The following ITSN2 variants were observed in gnomAD, a reference collection of about 807,000 sequenced individuals.
ITSN2 encodes intersectin 2, also known as intersectin-2.
A neutral mutation model predicts 243.7 loss-of-function variants in ITSN2; 156 were observed. The observed-to-expected ratio is 0.64, with a 90% CI of 0.56 to 0.73. The LOEUF (loss-of-function observed/expected upper bound fraction) is 0.73, where lower values mean the gene tolerates loss of function less well. ITSN2 is among the 30% of genes least tolerant of loss of function. The probability of loss-of-function intolerance (pLI) is 0.00; values close to 1 mark genes in which losing one functional copy is unlikely to be tolerated. For missense variants in ITSN2, 1,801 were observed against 1,996.1 expected (o/e 0.90, Z 1.86); for synonymous variants, 703 against 699.9 (o/e 1.00, Z -0.07).
intron 1 of ITSN2, among the ~76,000 whole-genome samples, chr2:24,332,167 A>G (rs953998778): frequency 1.3e-5 from 2 of 152,174 alleles, no homozygotes; most frequent in Non-Finnish European, 2.9e-5. Flanking sequence ...GCTTGAACCC[A>G]GGAGGTGGAG....
rs886418021 is a variant in ITSN2, at chr2:24,252,457, G to A, written c.3008C>T (p.Thr1003Ile). The A allele has an allele frequency of 1.2e-6, 2 of 1,612,476 alleles. No homozygotes were observed. Among genetic ancestry groups the A allele is most frequent in the African/African-American group, 1.3e-5 (1 of 74,878 alleles). The change falls in exon 25 of 40, where the codon ACA (threonine) becomes ATA (isoleucine). Residue 1003 changes from threonine to isoleucine, a missense_variant. Thr to Ile is a moderately conservative substitution (Grantham distance 89). Coordinates refer to ENST00000355123, the MANE Select transcript of ITSN2 (RefSeq NM_006277.3). ...SSVEPGDLTF[T>I]EGEEILVTQK... ...GGTCACCAATATTTCTTCACCTTCT[G>A]TGAAAGTCAAATCTCCAGGTTCCAC...
At position 24,298,638 on chromosome 2, in the gene ITSN2, T is replaced by C. The variant is rs146604425; in HGVS notation, c.1494+27A>G. ...ACAGGTAGCTCCATCATCATTCAGA[T>C]AAATTTCACTTAAACTTCAGCCATA... On this transcript the variant is annotated intron_variant, in intron 13 of 39. Coordinates refer to ENST00000355123, the MANE Select transcript of ITSN2 (RefSeq NM_006277.3). 3.4e-4 allele frequency: 544 copies of C among 1,587,776 alleles called. 1 individual carries two copies. The African/African-American group carries it at 6.8e-3, about 20-fold the overall frequency.
In ITSN2 at chr2:24,301,145, C is replaced by A. The variant is rs375398472; in HGVS notation, c.1081+9G>T. 1.1e-5 allele frequency: 16 copies of A among 1,512,758 alleles called. No individual in the cohort carries two copies. Among genetic ancestry groups the A allele is most frequent in the Non-Finnish European group, 1.5e-5 (16 of 1,093,556 alleles). The allele number at this position is 1,512,758 out of a possible 1,614,324, so 93.7% of individuals were successfully genotyped here. The stretch of plus-strand genomic sequence containing the variant: ...AGTATAAATATACAACTTTGACACT[C>A]AGTGATACCTGGTAATTTCTTCTGA... On this transcript the variant is annotated intron_variant, in intron 11 of 39. Coordinates refer to ENST00000355123, the MANE Select transcript of ITSN2 (RefSeq NM_006277.3).
chr2:24,341,229 C>T (rs779632013), intron 1 of ITSN2, among the ~76,000 whole-genome samples: 4 of 152,038 alleles, frequency 2.6e-5, no homozygotes, highest in Non-Finnish European at 5.9e-5. Flanking sequence ...TTGAGCACAC[C>T]TAATCTGATC....
chr2:24,309,345 A>C (rs560464005), intron 7 of ITSN2, among the ~76,000 whole-genome samples: 1 of 152,218 alleles, frequency 6.6e-6, no homozygotes, highest in East Asian at 1.9e-4. Flanking sequence ...GTCACATGCC[A>C]CCACGCCCGG....
chr2:24,251,325 T>TAAAAAAATAAAAAAA (rs1165033997), intron 25 of ITSN2, among the ~76,000 whole-genome samples: 374 of 3,370 alleles, frequency 0.11, 147 homozygotes, highest in African/African-American at 0.27. Flanking sequence ...AAAAAAAAAA[T>TAAAAAAATAAAAAAA]AAAATATATA....
intron 1 of ITSN2, among the ~76,000 whole-genome samples, chr2:24,339,934 C>A (rs560723598): frequency 4.2e-4 from 64 of 151,836 alleles, no homozygotes; most frequent in Middle Eastern, 3.4e-3. Context: ...AGTAGCTACT[C>A]AGGAGGTGAA....
Position 24,217,909 on chromosome 2 carries a change from C to T in ITSN2, c.3804G>A (p.Leu1268=), listed in dbSNP as rs759227257. ...KELIMSNTKL[L]KALRVRKKTG... ...GACAGGTGATGCTCAGGACTCACTT[C>T]AGCAGCTTTGTGTTGGACATGATGA... The change falls in exon 31 of 40, where the codon CTG becomes CTA. Residue 1268 remains leucine (L), a splice_region_variant and synonymous_variant. Transcript: ENST00000355123. 1 of 1,610,254 alleles carries T rather than the reference C, an allele frequency of 6.2e-7. No homozygotes were observed. The highest frequency in any genetic ancestry group is 1.1e-5 in the South Asian group (1 of 90,960).
intron 13 of ITSN2, 54 bp downstream of exon 13, chr2:24,298,611 C>T: frequency 2.6e-6 from 4 of 1,524,728 alleles, no homozygotes; most frequent in Non-Finnish European, 3.5e-6. Flanking sequence ...TTACATTTTT[C>T]AACAGGTAGC....
intron 22 of ITSN2, among the ~76,000 whole-genome samples, chr2:24,259,546 T>G (rs894721998): frequency 6.6e-6 from 1 of 152,214 alleles, no homozygotes; most frequent in African/African-American, 2.4e-5. Context: ...GCTTCCCAAA[T>G]AAACCTCAAC....
intron 23 of ITSN2, among the ~76,000 whole-genome samples, chr2:24,256,536 T>C (rs1373172312): frequency 6.6e-6 from 1 of 152,224 alleles, no homozygotes; most frequent in Non-Finnish European, 1.5e-5. Context: ...AGCTATATTA[T>C]AGTACTTATT....
At chr2:24,351,817 AG>A in intron 1 of ITSN2, among the ~76,000 whole-genome samples, 1 of 152,282 alleles carries the variant, frequency 6.6e-6, no homozygotes, top group Non-Finnish European at 1.5e-5. Flanking sequence ...CTTGTGTTCA[AG>A]TAACCCTTAT....
intron 1 of ITSN2, among the ~76,000 whole-genome samples, chr2:24,333,840 A>G (rs1686047484): frequency 6.6e-6 from 1 of 152,160 alleles, no homozygotes; most frequent in African/African-American, 2.4e-5. Context: ...AGACTCAGAA[A>G]AAGTCACAGC....
At chr2:24,337,315 A>AATATATATATATATAAAT (rs70944741) in intron 1 of ITSN2, among the ~76,000 whole-genome samples, 2 of 32,020 alleles carry the variant, frequency 6.2e-5, no homozygotes, top group Non-Finnish European at 1.1e-4. Flanking sequence ...GTATACACAA[A>AATATATATATATATAAAT]ATATATATAT....
In ITSN2 at chr2:24,209,315, C is replaced by G. The variant is rs547793432; in HGVS notation, c.4474-94G>C. The G allele has an allele frequency of 6.1e-6, 9 of 1,485,494 alleles. No individual in the cohort carries two copies. In the East Asian group the frequency reaches 1.8e-4, roughly 30 times the overall value. 92.0% of individuals were successfully genotyped at this position (1,485,494 alleles called of 1,614,324 possible). A position where few individuals can be genotyped will look rare whatever the true frequency, so the allele number is the denominator to read the frequency against. On this transcript the variant is annotated intron_variant, in intron 35 of 39. Coordinates refer to ENST00000355123, the MANE Select transcript of ITSN2 (RefSeq NM_006277.3). ...GAGAGTTCTGTTTGTTCTGAAGAGC[C>G]TTGTTGAGAAGGAGAAAGGGGTCTA...
At position 24,286,338 on chromosome 2, in the gene ITSN2, A is replaced by T. The variant is rs760460574; in HGVS notation, c.1737T>A (p.Ser579Arg). ...TTTCTAATGATTTTTTATGAAGTAA[A>T]CTGACCCCTGAATCTGAAAAACAAA... Reference protein sequence around the residue: ...QFSNTPDSGVSLLHKKSLEKE... With the variant: ...QFSNTPDSGVRLLHKKSLEKE... The change falls in exon 16 of 40, where the codon AGT (serine) becomes AGA (arginine). Residue 579 changes from serine to arginine, a missense_variant. Physicochemically the swap from Ser to Arg is moderately radical, Grantham distance 110. Transcript: ENST00000355123. 1 of 1,611,990 alleles carries T rather than the reference A, an allele frequency of 6.2e-7. No individual in the cohort carries two copies. The highest frequency in any genetic ancestry group is 1.1e-5 in the South Asian group (1 of 90,896).
At chr2:24,327,263 A>C (rs1209419745) in intron 2 of ITSN2, among the ~76,000 whole-genome samples, 2 of 151,986 alleles carry the variant, frequency 1.3e-5, no homozygotes, top group Admixed American at 6.6e-5. Flanking sequence ...AAAACTTTTC[A>C]TTATTCAAAT....
intron 30 of ITSN2, chr2:24,220,649 G>A: frequency 8.0e-7 from 1 of 1,246,390 alleles, no homozygotes; most frequent in Non-Finnish European, 1.0e-6. Context: ...CTTCCTTGAT[G>A]GGGCTCCTGC....
chr2:24,260,107 G>A (rs368890698), intron 22 of ITSN2, among the ~76,000 whole-genome samples: 1 of 152,124 alleles, frequency 6.6e-6, no homozygotes. Context: ...TTTTTGTAGA[G>A]ATGAGGTCTT....
Sources: allele counts gnomAD v4.1 joint callset (sites outside exome capture counted in the v4.1 genomes callset), GRCh38; gene constraint gnomAD v4.1.1; transcripts MANE v1.5; gene names NCBI Gene and HGNC (gene_info 2026-07-23, HGNC 2026-07-21).